Variants in LDB3 observed in about 807,000 individuals in gnomAD.
The protein encoded by LDB3 is LIM domain binding 3.
Under a neutral mutation model 69.0 loss-of-function variants are expected in LDB3, and 49 were observed. That is an observed-to-expected ratio of 0.71 (90% confidence interval 0.56 to 0.90). The LOEUF is 0.90. Ranked by LOEUF, LDB3 falls within the 40% of genes least tolerant of loss-of-function variation. The pLI is 0.00. For missense variants in LDB3, 928 were observed against 974.1 expected (o/e 0.95, Z 0.63); for synonymous variants, 387 against 396.2 (o/e 0.98, Z 0.28).
chr10:86,720,735 T>A (rs1847053411), intron 12 of LDB3, among the ~76,000 whole-genome samples: 1 of 152,208 alleles, frequency 6.6e-6, no homozygotes, highest in Non-Finnish European at 1.5e-5. Flanking sequence ...TGTCTGAGGC[T>A]TTTGAAAGAA....
In LDB3 at chr10:86,716,672, C is replaced by T; in HGVS notation, c.1577C>T (p.Pro526Leu). The change falls in exon 10 of 14, where the codon CCT (proline) becomes CTT (leucine). Residue 526 changes from proline (P) to leucine (L), a missense_variant. Physicochemically the swap from Pro to Leu is moderately conservative, Grantham distance 98 (BLOSUM62 -3). Coordinates refer to ENST00000361373, the MANE Select transcript of LDB3 (RefSeq NM_007078.3). ...RGGPAYTPAG[P>L]QVPPLARGTV... is the part of the protein sequence containing the mutation. ...GGCCCAGCCTACACCCCAGCGGGTCCTCAGGTGCCACCACTTGCCAGGGGG... is the reference window on the plus strand; with the variant it reads ...GGCCCAGCCTACACCCCAGCGGGTCTTCAGGTGCCACCACTTGCCAGGGGG... 9.9e-6 allele frequency: 16 copies of T among 1,613,974 alleles called. No homozygotes were observed. The highest frequency in any genetic ancestry group is 1.4e-5 in the Non-Finnish European group (16 of 1,180,002).
rs761004784 is a variant in LDB3 at position 86,716,610 on chromosome 10, CA to C, written c.1516del (p.Thr506ProfsTer59). On this transcript the variant is annotated frameshift_variant, in exon 10 of 14. Coordinates refer to ENST00000361373, the MANE Select transcript of LDB3 (RefSeq NM_007078.3). LOFTEE classifies it high-confidence loss of function. ...CCCAGAAGTTTGCCCCGGGCAAGAGCACCACCTCCATCAGCAAGCAGACCCT... is the reference window on the plus strand; with the variant it reads ...CCCAGAAGTTTGCCCCGGGCAAGAGCCCACCTCCATCAGCAAGCAGACCCT... The part of the protein sequence containing the change: ...FSQKFAPGKS[T>X]TSISKQTLPR... 6.2e-7 allele frequency: 1 copy of C among 1,613,742 alleles called. No homozygotes were observed. The highest frequency in any genetic ancestry group is 8.5e-7 in the Non-Finnish European group (1 of 1,179,952).
rs769556102 is a variant in LDB3, at chr10:86,718,130, A to T, written c.1843A>T (p.Thr615Ser). ...TGCCCCGCTGTGTGCCAAGTGCAACACCAAAATTATGGGGGTAAGTGGGAG... is the reference window on the plus strand; with the variant it reads ...TGCCCCGCTGTGTGCCAAGTGCAACTCCAAAATTATGGGGGTAAGTGGGAG... ...FFAPLCAKCN[T>S]KIMGEVMHAL... Residue 615 changes from threonine to serine, a missense_variant, in exon 11 of 14, where the codon ACC (threonine) becomes TCC (serine). Thr to Ser is a moderately conservative substitution (Grantham distance 58). Transcript: ENST00000361373. 1.2e-6 allele frequency: 2 copies of T among 1,614,180 alleles called. No homozygotes were observed. The highest frequency in any genetic ancestry group is 8.5e-7 in the Non-Finnish European group (1 of 1,180,034).
At chr10:86,707,846 A>G (rs1410979802) in intron 8 of LDB3, among the ~76,000 whole-genome samples, 1 of 152,142 alleles carries the variant, frequency 6.6e-6, no homozygotes, top group Non-Finnish European at 1.5e-5. Flanking sequence ...CCCTCCAGGG[A>G]TGGTTTCATC....
chr10:86,709,248 G>A (rs1300959457), intron 8 of LDB3, among the ~76,000 whole-genome samples: 3 of 152,124 alleles, frequency 2.0e-5, no homozygotes, highest in Non-Finnish European at 4.4e-5. Flanking sequence ...GAACTAGGAC[G>A]CTTTTTTTAA....
At chr10:86,683,491 G>T (rs963772802) in intron 5 of LDB3, among the ~76,000 whole-genome samples, 1 of 152,260 alleles carries the variant, frequency 6.6e-6, no homozygotes, top group African/African-American at 2.4e-5. Flanking sequence ...GCTCAGGGAA[G>T]TGAGGGGCCA....
chr10:86,709,545 CA>C, intron 8 of LDB3, among the ~76,000 whole-genome samples: 1 of 152,252 alleles, frequency 6.6e-6, no homozygotes, highest in East Asian at 1.9e-4. Flanking sequence ...AGGTGCCCCA[CA>C]AGGTCGTGGG....
chr10:86,734,179 C>A lies in LDB3; in HGVS notation c.*1203C>A, dbSNP rs902459960. On this transcript the variant is annotated 3_prime_UTR_variant, in exon 14 of 14. Coordinates refer to ENST00000361373, the MANE Select transcript of LDB3 (RefSeq NM_007078.3). ...TGTTAACTGCTGGAAGGGACAGATG[C>A]ACTGATATATATGCATTTGCTGTTT... The A allele has an allele frequency of 6.6e-6, 1 of 152,198 alleles. No individual in the cohort carries two copies. Among genetic ancestry groups the A allele is most frequent in the Non-Finnish European group, 1.5e-5 (1 of 68,040 alleles). The allele number at this position is 152,198 out of a possible 1,614,324, so 9.4% of individuals were successfully genotyped here. A position where few individuals can be genotyped will look rare whatever the true frequency, so the allele number is the denominator to read the frequency against.
intron 8 of LDB3, among the ~76,000 whole-genome samples, chr10:86,709,408 G>A (rs1329313294): frequency 1.2e-4 from 19 of 152,114 alleles, no homozygotes; most frequent in Admixed American, 6.5e-4. Flanking sequence ...GGCAGCAGGC[G>A]GGGGCAGTCT....
intron 7 of LDB3, 120 bp downstream of exon 7, chr10:86,692,691 G>A (rs1845824534): frequency 1.1e-6 from 1 of 919,284 alleles, no homozygotes; most frequent in African/African-American, 1.6e-5. Flanking sequence ...GGAAAGCCTG[G>A]CCTGCAAAGG....
intron 10 of LDB3, among the ~76,000 whole-genome samples, chr10:86,717,258 G>A (rs1319816328): frequency 6.6e-6 from 1 of 152,192 alleles, no homozygotes. Flanking sequence ...CATGGGTGCT[G>A]TTGTTTGAAT....
intron 7 of LDB3, among the ~76,000 whole-genome samples, chr10:86,693,821 C>T (rs1031479024): frequency 6.6e-6 from 1 of 152,220 alleles, no homozygotes; most frequent in Non-Finnish European, 1.5e-5. Context: ...CTTGTCTTGC[C>T]CTCCTCTTAG....
chr10:86,675,472 C>T (rs61857112), intron 2 of LDB3, among the ~76,000 whole-genome samples: 40,294 of 152,114 alleles, frequency 0.26, 5,878 homozygotes, highest in South Asian at 0.42. Context: ...GTGACCGAGG[C>T]CACAGCCTTT....
chr10:86,721,301 G>A (rs916879991), intron 12 of LDB3, among the ~76,000 whole-genome samples: 83 of 152,230 alleles, frequency 5.5e-4, no homozygotes, highest in Non-Finnish European at 8.7e-4. Flanking sequence ...TCATTTTTAC[G>A]TCTCGTCATT....
At chr10:86,718,177 T>A in intron 11 of LDB3, 33 bp downstream of exon 11, 1 of 1,596,634 alleles carries the variant, frequency 6.3e-7, no homozygotes, top group Non-Finnish European at 8.6e-7. Context: ...CTCTGACCCA[T>A]GTCTCTTCCC....
chr10:86,700,383 T>C (rs1045914096), intron 7 of LDB3, among the ~76,000 whole-genome samples: 1 of 152,162 alleles, frequency 6.6e-6, no homozygotes, highest in Non-Finnish European at 1.5e-5. Flanking sequence ...TGAGCCATTG[T>C]CCTGCCCCAC....
At position 86,681,602 on chromosome 10, in the gene LDB3, C is replaced by T. The variant is rs776608362; in HGVS notation, c.488C>T (p.Pro163Leu). Reference protein sequence around the residue: ...SSLAEASDPGPPRASLRAKTS... With the variant: ...SSLAEASDPGLPRASLRAKTS... ...CTCGCCGAGGCCTCTGACCCTGGCC[C>T]TCCGCGGGCCAGCCTGAGGGCCAAG... The change falls in exon 5 of 14, where the codon CCT becomes CTT. Residue 163 changes from proline (P) to leucine (L), a missense_variant. Transcript: ENST00000361373. 2 of 1,613,036 alleles carry T rather than the reference C, an allele frequency of 1.2e-6. No individual in the cohort carries two copies. The highest frequency in any genetic ancestry group is 1.7e-6 in the Non-Finnish European group (2 of 1,179,758).
intron 7 of LDB3, chr10:86,700,183 C>A: frequency 2.0e-6 from 1 of 498,222 alleles, no homozygotes; most frequent in Non-Finnish European, 2.6e-6. Context: ...CAGGACACAG[C>A]GCAGCTCTGG....
intron 5 of LDB3, among the ~76,000 whole-genome samples, chr10:86,682,531 T>C (rs565099680): frequency 1.3e-5 from 2 of 151,822 alleles, no homozygotes; most frequent in East Asian, 3.9e-4. Context: ...AGGAACGGAG[T>C]CCCCACACTG....
Sources: allele counts gnomAD v4.1 joint callset (sites outside exome capture counted in the v4.1 genomes callset), GRCh38; gene constraint gnomAD v4.1.1; transcripts MANE v1.5; gene names NCBI Gene and HGNC (gene_info 2026-07-23, HGNC 2026-07-21).